KSR2: variants seen among roughly 807,000 people sequenced by gnomAD.
The protein encoded by KSR2 is kinase suppressor of ras 2.
Under a neutral mutation model 107.8 loss-of-function variants are expected in KSR2, and 25 were observed. The ratio of observed to expected loss-of-function variants is 0.23; its 90% CI spans 0.17 to 0.32. KSR2 has a LOEUF of 0.32. Among genes scored for constraint, KSR2 ranks in the 10% least tolerant of loss-of-function variants. The probability of loss-of-function intolerance (pLI) is 1.00; values close to 1 mark genes in which losing one functional copy is unlikely to be tolerated. For missense variants in KSR2, 887 were observed against 1,268.9 expected (o/e 0.70, Z 4.57); for synonymous variants, 480 against 507.0 (o/e 0.95, Z 0.71).
intron 4 of KSR2, chr12:117,674,485 T>A (rs533153618): frequency 2.0e-5 from 9 of 447,580 alleles, no homozygotes; most frequent in Non-Finnish European, 3.6e-5. Context: ...CAAAAGGAAA[T>A]CCCTTACGCA....
chr12:117,740,595 C>CGT (rs1888170118), intron 4 of KSR2, among the ~76,000 whole-genome samples: 1 of 54,904 alleles, frequency 1.8e-5, no homozygotes, highest in African/African-American at 6.7e-5. Context: ...GTACTATATA[C>CGT]ATATATAGAT....
intron 4 of KSR2, among the ~76,000 whole-genome samples, chr12:117,711,218 G>A (rs548613173): frequency 3.3e-5 from 5 of 152,318 alleles, no homozygotes; most frequent in South Asian, 2.1e-4. Context: ...AGTGCCTCAC[G>A]TGCCATTAAG....
intron 9 of KSR2, among the ~76,000 whole-genome samples, chr12:117,541,936 AGGGTAATGGCACAATCAC>A (rs1876522481): frequency 1.3e-5 from 2 of 151,230 alleles, no homozygotes; most frequent in Non-Finnish European, 3.0e-5. Context: ...CCTGGGCTGG[AGGGTAATGGCACAATCAC>A]GGCTCACTGT....
At chr12:117,906,416 C>G (rs888519228) in intron 1 of KSR2, among the ~76,000 whole-genome samples, 1 of 150,556 alleles carries the variant, frequency 6.6e-6, no homozygotes, top group Non-Finnish European at 1.5e-5. Flanking sequence ...CGAGACCAGC[C>G]TGGCCAATCT....
chr12:117,865,114 C>T (rs1893429715), intron 1 of KSR2, among the ~76,000 whole-genome samples: 1 of 151,930 alleles, frequency 6.6e-6, no homozygotes, highest in South Asian at 2.1e-4. Flanking sequence ...AAAAACTAAT[C>T]AGGTTTAAAT....
chr12:117,675,960 C>A (rs1341848196), intron 4 of KSR2, among the ~76,000 whole-genome samples: 1 of 152,216 alleles, frequency 6.6e-6, no homozygotes, highest in Non-Finnish European at 1.5e-5. Context: ...TTACACAGGG[C>A]TATGAGCTGT....
In KSR2 at chr12:117,646,923, G is replaced by A. The variant is rs544580053; in HGVS notation, c.1171+20551C>T. Reference sequence around the variant, plus strand: ...AAGGGCTGCCAGTGTTCATGAGGCTGTGAAGGGTGGATGATTACAGCCAGC... The same window carrying A: ...AAGGGCTGCCAGTGTTCATGAGGCTATGAAGGGTGGATGATTACAGCCAGC... On this transcript the variant is annotated intron_variant, in intron 5 of 19. Transcript: ENST00000339824. Among the ~76,000 whole-genome samples, 376 of 152,278 alleles carry A rather than the reference G, an allele frequency of 2.5e-3. 1 individual carries two copies. Among genetic ancestry groups the A allele is most frequent in the African/African-American group, 8.6e-3 (357 of 41,562 alleles).
chr12:117,817,392 G>A (rs1372698457), intron 3 of KSR2, among the ~76,000 whole-genome samples: 1 of 151,728 alleles, frequency 6.6e-6, no homozygotes, highest in East Asian at 1.9e-4. Context: ...CACCCACACC[G>A]ATGTTCCCAA....
At chr12:117,875,951 C>T (rs1231773868) in intron 1 of KSR2, among the ~76,000 whole-genome samples, 2 of 152,238 alleles carry the variant, frequency 1.3e-5, no homozygotes, top group Non-Finnish European at 2.9e-5. Flanking sequence ...GCCTGGCATA[C>T]AGTCGGTGCT....
chr12:117,631,118 T>C (rs1882786961), intron 5 of KSR2, among the ~76,000 whole-genome samples: 1 of 152,076 alleles, frequency 6.6e-6, no homozygotes, highest in Non-Finnish European at 1.5e-5. Flanking sequence ...TGGGAAACAG[T>C]GAAACTCTGT....
At chr12:117,612,612 T>C (rs1277320956) in intron 5 of KSR2, among the ~76,000 whole-genome samples, 1 of 152,124 alleles carries the variant, frequency 6.6e-6, no homozygotes, top group Non-Finnish European at 1.5e-5. Flanking sequence ...CTAGGAAATA[T>C]GAAATTTAAC....
chr12:117,660,488 T>C (rs1884389202), intron 5 of KSR2, among the ~76,000 whole-genome samples: 1 of 152,190 alleles, frequency 6.6e-6, no homozygotes, highest in Non-Finnish European at 1.5e-5. Flanking sequence ...CATCCTGGTA[T>C]CTCTGTCCAA....
chr12:117,922,389 A>G (rs1312875444), intron 1 of KSR2, among the ~76,000 whole-genome samples: 1 of 152,208 alleles, frequency 6.6e-6, no homozygotes, highest in African/African-American at 2.4e-5. Flanking sequence ...CTGTCAATCA[A>G]CTTTGGGGTA....
chr12:117,949,503 A>G (rs76593166), intron 1 of KSR2, among the ~76,000 whole-genome samples: 2,642 of 152,314 alleles, frequency 0.017, 86 homozygotes, highest in African/African-American at 0.061. Flanking sequence ...AGTGGTTGCC[A>G]GGGGTTAACA....
chr12:117,931,227 C>T (rs751882584), intron 1 of KSR2, among the ~76,000 whole-genome samples: 2 of 152,084 alleles, frequency 1.3e-5, no homozygotes, highest in Non-Finnish European at 2.9e-5. Flanking sequence ...AAGCATAAGA[C>T]ACAGATAGCA....
intron 4 of KSR2, among the ~76,000 whole-genome samples, chr12:117,712,610 G>A (rs1247167149): frequency 6.6e-6 from 1 of 152,196 alleles, no homozygotes; most frequent in African/African-American, 2.4e-5. Context: ...ATTGTAAAAT[G>A]CATTTAAAAG....
intron 9 of KSR2, among the ~76,000 whole-genome samples, chr12:117,540,548 C>T (rs548811842): frequency 2.6e-5 from 4 of 152,282 alleles, no homozygotes; most frequent in South Asian, 2.1e-4. Flanking sequence ...GTAAGGATCC[C>T]GAGATGAGAT....
intron 1 of KSR2, among the ~76,000 whole-genome samples, chr12:117,961,687 G>C (rs928342131): frequency 6.6e-6 from 1 of 152,178 alleles, no homozygotes; most frequent in Non-Finnish European, 1.5e-5. Context: ...GGCCACGAGA[G>C]GAGCTCAGGC....
At chr12:117,570,610 G>A (rs146200777) in intron 7 of KSR2, among the ~76,000 whole-genome samples, 211 of 152,294 alleles carry the variant, frequency 1.4e-3, no homozygotes, top group Non-Finnish European at 2.4e-3. Context: ...GATTTAGTGG[G>A]TCTGTTTCTT....
Sources: gnomAD v4.1 joint callset for allele counts (sites outside exome capture counted in the v4.1 genomes callset) on GRCh38, gnomAD v4.1.1 for gene constraint, MANE v1.5 for transcripts, NCBI Gene and HGNC (gene_info 2026-07-23, HGNC 2026-07-21) for gene names.